Variants in SEMA3A observed in about 807,000 individuals in gnomAD.
The protein encoded by SEMA3A is semaphorin 3A, also known as semaphorin-3A.
A neutral mutation model predicts 97.9 loss-of-function variants in SEMA3A; 29 were observed. The ratio of observed to expected loss-of-function variants is 0.30; its 90% confidence interval spans 0.22 to 0.40. The LOEUF (loss-of-function observed/expected upper bound fraction) is 0.40. SEMA3A is among the 10% of genes least tolerant of loss of function. The probability of loss-of-function intolerance (pLI) is 1.00; values close to 1 mark genes in which losing one functional copy is unlikely to be tolerated. For synonymous variants in SEMA3A, 321 were observed against 323.7 expected (o/e 0.99, Z 0.09); for missense variants, 763 against 951.3 (o/e 0.80, Z 2.60).
Position 84,020,750 on chromosome 7 carries a change from G to A in SEMA3A, c.668-6399C>T, listed in dbSNP as rs1476625052. On this transcript the variant is annotated intron_variant, in intron 6 of 16. Transcript: ENST00000265362. ...TATATGGTTTTCATTTTGTTTTCTTGTTTTATAATCTTAATGTTGCCAGTA... is the reference window on the plus strand; with the variant it reads ...TATATGGTTTTCATTTTGTTTTCTTATTTTATAATCTTAATGTTGCCAGTA... 2.6e-5 allele frequency among the ~76,000 whole-genome samples: 4 copies of A among 151,566 alleles called. 1 individual carries two copies. The highest frequency in any genetic ancestry group is 2.6e-4 in the Admixed American group (4 of 15,222).
chr7:83,984,608 CTTTTTT>C (rs371082897), intron 13 of SEMA3A, among the ~76,000 whole-genome samples: 12,358 of 98,910 alleles, frequency 0.12, 652 homozygotes, highest in Middle Eastern at 0.26. Context: ...GATTTTTCTG[CTTTTTT>C]TTTTTTTTTT....
intron 4 of SEMA3A, among the ~76,000 whole-genome samples, chr7:84,086,308 T>C (rs1358257058): frequency 6.6e-6 from 1 of 151,738 alleles, no homozygotes; most frequent in Non-Finnish European, 1.5e-5. Flanking sequence ...TACCTGGCTT[T>C]GAGTCCAGAA....
At chr7:84,080,559 C>CT (rs1050053968) in intron 4 of SEMA3A, among the ~76,000 whole-genome samples, 140 of 11,908 alleles carry the variant, frequency 0.012, 63 homozygotes, top group African/African-American at 0.026. Flanking sequence ...GCTTATAATT[C>CT]TTTTTTTTTT....
At chr7:84,221,019 T>C (rs557348262) in intron 3 of SEMA3A, among the ~76,000 whole-genome samples, 1 of 152,276 alleles carries the variant, frequency 6.6e-6, no homozygotes, top group Non-Finnish European at 1.5e-5. Context: ...TAGAAAGCTG[T>C]TTCATCTACT....
chr7:84,330,639 ACTTT>A (rs1049177689), intron 2 of SEMA3A, among the ~76,000 whole-genome samples: 25 of 152,064 alleles, frequency 1.6e-4, no homozygotes, highest in African/African-American at 6.0e-4. Flanking sequence ...TCTACAATTG[ACTTT>A]CTATCACTTT....
chr7:84,427,658 A>AAAAG (rs2116310201), intron 1 of SEMA3A, among the ~76,000 whole-genome samples: 1 of 145,056 alleles, frequency 6.9e-6, no homozygotes, highest in African/African-American at 2.5e-5. Context: ...TCAAAAAAAA[A>AAAAG]AAAAAAAAAA....
chr7:84,207,329 T>C (rs996202667), intron 3 of SEMA3A, among the ~76,000 whole-genome samples: 2 of 152,160 alleles, frequency 1.3e-5, no homozygotes, highest in African/African-American at 2.4e-5. Context: ...AAAACTGTTA[T>C]TTAGATGAAC....
intron 3 of SEMA3A, among the ~76,000 whole-genome samples, chr7:84,202,887 T>C (rs1010190992): frequency 6.6e-6 from 1 of 152,176 alleles, no homozygotes; most frequent in Admixed American, 6.5e-5. Flanking sequence ...AATCTTTCTG[T>C]ATCTATTTTG....
chr7:84,323,117 T>C (rs1801690241), intron 2 of SEMA3A, among the ~76,000 whole-genome samples: 1 of 152,226 alleles, frequency 6.6e-6, no homozygotes, highest in Non-Finnish European at 1.5e-5. Flanking sequence ...TCAAATACTA[T>C]GATTAAATGC....
intron 15 of SEMA3A, among the ~76,000 whole-genome samples, chr7:83,965,228 C>T (rs1168390384): frequency 1.3e-5 from 2 of 151,824 alleles, no homozygotes; most frequent in Admixed American, 6.6e-5. Context: ...CATGAGCCAC[C>T]GCGTCCGGCC....
intron 1 of SEMA3A, among the ~76,000 whole-genome samples, chr7:84,394,361 T>G (rs1455513723): frequency 7.0e-6 from 1 of 142,128 alleles, no homozygotes. Flanking sequence ...ATTTAGAAAC[T>G]AAGAACTTGC....
intron 1 of SEMA3A, among the ~76,000 whole-genome samples, chr7:84,191,084 T>G (rs1482140292): frequency 6.6e-6 from 1 of 151,314 alleles, no homozygotes; most frequent in Non-Finnish European, 1.5e-5. Flanking sequence ...TAATTGTAAT[T>G]TATTGAACAA....
chr7:84,218,759 C>G (rs1043572873), intron 3 of SEMA3A, among the ~76,000 whole-genome samples: 1 of 151,926 alleles, frequency 6.6e-6, no homozygotes, highest in Non-Finnish European at 1.5e-5. Flanking sequence ...TAGCTTGTCC[C>G]TTTAATTTTT....
At chr7:83,984,532 T>C (rs1789549051) in intron 13 of SEMA3A, among the ~76,000 whole-genome samples, 1 of 151,774 alleles carries the variant, frequency 6.6e-6, no homozygotes, top group Non-Finnish European at 1.5e-5. Flanking sequence ...GCCAAATGAT[T>C]CTCATTTTAC....
At chr7:84,424,662 AAT>A (rs1362288028) in intron 1 of SEMA3A, among the ~76,000 whole-genome samples, 2 of 94,470 alleles carry the variant, frequency 2.1e-5, no homozygotes, top group Non-Finnish European at 3.6e-5. Context: ...TATATTATAT[AAT>A]ATGTTATATA....
chr7:84,391,831 G>A (rs1019731048), intron 1 of SEMA3A, among the ~76,000 whole-genome samples: 3 of 151,782 alleles, frequency 2.0e-5, no homozygotes, highest in African/African-American at 7.3e-5. Flanking sequence ...ACGTTAGCTG[G>A]GTGTGATGGT....
At chr7:84,486,526 TC>T (rs150905370) in intron 1 of SEMA3A, among the ~76,000 whole-genome samples, 3,513 of 152,286 alleles carry the variant, frequency 0.023, 143 homozygotes, top group East Asian at 0.15. Context: ...GCTCCTATAT[TC>T]TTTTCTATCT....
chr7:84,123,828 A>C (rs1034061332), intron 3 of SEMA3A, among the ~76,000 whole-genome samples: 29 of 150,156 alleles, frequency 1.9e-4, no homozygotes, highest in African/African-American at 5.4e-4. Context: ...TATATATATG[A>C]GAGAGAGAGA....
intron 3 of SEMA3A, among the ~76,000 whole-genome samples, chr7:84,295,974 A>G (rs915908046): frequency 3.9e-5 from 6 of 152,154 alleles, no homozygotes; most frequent in African/African-American, 1.4e-4. Context: ...GCAAGAAATC[A>G]TGAAAATGAT....
Sources: allele counts gnomAD v4.1 joint callset (sites outside exome capture counted in the v4.1 genomes callset), GRCh38; gene constraint gnomAD v4.1.1; transcripts MANE v1.5; gene names NCBI Gene and HGNC (gene_info 2026-07-23, HGNC 2026-07-21).